Variants in SOX5 observed in about 807,000 individuals in gnomAD.
The protein encoded by SOX5 is SRY-box transcription factor 5.
Under a neutral mutation model 92.0 loss-of-function variants are expected in SOX5, and 9 were observed. The ratio of observed to expected loss-of-function variants is 0.10; its 90% CI spans 0.06 to 0.17. The LOEUF is 0.17. Among genes scored for constraint, SOX5 ranks in the 10% least tolerant of loss-of-function variants. The pLI, the probability that SOX5 is intolerant of heterozygous loss-of-function variation, is 1.00. For synonymous variants in SOX5, 344 were observed against 336.3 expected (o/e 1.02, Z -0.25); for missense variants, 642 against 944.5 (o/e 0.68, Z 4.20).
At chr12:23,951,832 A>G (rs1227510334), upstream of SOX5, among the ~76,000 whole-genome samples, 2 of 152,178 alleles carry the variant, frequency 1.3e-5, no homozygotes, top group African/African-American at 2.4e-5. Context: ...GAAGGGGGGA[A>G]GAATATTACT....
At chr12:23,920,016 C>T (rs1937656393) in intron 1 of SOX5, 1 of 152,066 alleles carries the variant, frequency 6.6e-6, no homozygotes, top group African/African-American at 2.4e-5. Flanking sequence ...TTAGTAGACT[C>T]TGTTATATAT....
At chr12:23,653,065 T>TGGATGGAG (rs2081875757) in intron 7 of SOX5, among the ~76,000 whole-genome samples, 3 of 151,744 alleles carry the variant, frequency 2.0e-5, no homozygotes, top group Non-Finnish European at 4.4e-5. Context: ...GATGGATGGA[T>TGGATGGAG]GGATGGATGG....
chr12:24,179,551 AT>A (rs1955232576), intron 4 of SOX5, among the ~76,000 whole-genome samples: 1 of 152,108 alleles, frequency 6.6e-6, no homozygotes, highest in Non-Finnish European at 1.5e-5. Flanking sequence ...CTTTTCGGAT[AT>A]TGTATTTTGT....
At chr12:24,259,574 G>A (rs1239932941) in intron 3 of SOX5, among the ~76,000 whole-genome samples, 1 of 152,110 alleles carries the variant, frequency 6.6e-6, no homozygotes, top group Non-Finnish European at 1.5e-5. Context: ...ATGCTAAATG[G>A]AATATGATCA....
chr12:24,325,196 T>C (rs1950563410), intron 2 of SOX5, among the ~76,000 whole-genome samples: 1 of 151,754 alleles, frequency 6.6e-6, no homozygotes, highest in Non-Finnish European at 1.5e-5. Context: ...TAACTGAACA[T>C]AATAGAAAGT....
At chr12:24,370,740 C>T (rs548384605) in intron 1 of SOX5, among the ~76,000 whole-genome samples, 3 of 152,118 alleles carry the variant, frequency 2.0e-5, no homozygotes, top group East Asian at 3.9e-4. Context: ...TTCAGTGAGC[C>T]GAGATCGTGC....
At chr12:24,313,748 T>C (rs1370636802) in intron 2 of SOX5, among the ~76,000 whole-genome samples, 11 of 152,246 alleles carry the variant, frequency 7.2e-5, no homozygotes, top group Admixed American at 7.2e-4. Context: ...TTTCCATTTT[T>C]GTCCACACTC....
intron 4 of SOX5, among the ~76,000 whole-genome samples, chr12:24,190,962 G>A (rs533974642): frequency 8.5e-5 from 13 of 152,150 alleles, no homozygotes; most frequent in African/African-American, 3.1e-4. Flanking sequence ...AAAAAAAAGA[G>A]AATGAGGATT....
intron 1 of SOX5, among the ~76,000 whole-genome samples, chr12:24,522,119 A>T (rs1419481621): frequency 6.6e-6 from 1 of 152,048 alleles, no homozygotes; most frequent in Non-Finnish European, 1.5e-5. Context: ...AAAATAAAAA[A>T]GATCATAAGA....
intron 4 of SOX5, among the ~76,000 whole-genome samples, chr12:24,116,770 G>A (rs1326773072): frequency 6.6e-6 from 1 of 152,104 alleles, no homozygotes. Context: ...GATGTAGTAA[G>A]GTACTGCTGC....
intron 3 of SOX5, among the ~76,000 whole-genome samples, chr12:24,236,077 A>G (rs1005139132): frequency 1.4e-4 from 21 of 152,146 alleles, no homozygotes; most frequent in Non-Finnish European, 1.9e-4. Context: ...CTGTAGTCCC[A>G]GCTACTTGGG....
At chr12:24,058,524 TA>T (rs1175828281) in intron 4 of SOX5, among the ~76,000 whole-genome samples, 5 of 152,172 alleles carry the variant, frequency 3.3e-5, no homozygotes, top group Non-Finnish European at 7.4e-5. Flanking sequence ...CAGGACACAG[TA>T]AATTTTCTTT....
At chr12:24,190,617 C>G (rs1321580664) in intron 4 of SOX5, among the ~76,000 whole-genome samples, 5 of 152,062 alleles carry the variant, frequency 3.3e-5, no homozygotes, top group Non-Finnish European at 1.5e-5. Flanking sequence ...CTCTGGTCTC[C>G]GTGATTCGGA....
At chr12:23,604,283 C>A (rs2074956790) in intron 9 of SOX5, 104 bp downstream of exon 9, 1 of 1,250,690 alleles carries the variant, frequency 8.0e-7, no homozygotes, top group Admixed American at 1.8e-5. Flanking sequence ...TCCTTGTACA[C>A]CCAGAGTTTA....
chr12:23,998,532 T>A (rs1390286659), intron 4 of SOX5, among the ~76,000 whole-genome samples: 1 of 151,878 alleles, frequency 6.6e-6, no homozygotes, highest in African/African-American at 2.4e-5. Context: ...AGGCCAGGAA[T>A]GGTGGCTCAT....
intron 2 of SOX5, among the ~76,000 whole-genome samples, chr12:24,307,658 T>C (rs1948747565): frequency 1.4e-5 from 1 of 73,080 alleles, no homozygotes. Flanking sequence ...TTAATAAACG[T>C]TCACTGCTTC....
rs550712297 is a variant in SOX5 at position 23,811,776 on chromosome 12, G to A, written c.481+34207C>T. 2.0e-5 allele frequency among the ~76,000 whole-genome samples: 3 copies of A among 152,120 alleles called. No homozygotes were observed. In the South Asian group the frequency reaches 6.2e-4, roughly 32 times the overall value. ...ACTTTATGGGAAAGCCAAGTTCTAG[G>A]CACACAGTACTTCCAGTTTTCCTAT... On this transcript the variant is annotated intron_variant, in intron 3 of 14. Transcript: ENST00000451604.
chr12:24,317,727 T>G (rs1042843810), intron 2 of SOX5, among the ~76,000 whole-genome samples: 2 of 152,184 alleles, frequency 1.3e-5, no homozygotes, highest in Non-Finnish European at 2.9e-5. Context: ...CCGTTACACC[T>G]TCGTTTCCCT....
intron 6 of SOX5, among the ~76,000 whole-genome samples, chr12:23,718,035 A>G (rs1473015687): frequency 6.6e-6 from 1 of 152,118 alleles, no homozygotes; most frequent in Non-Finnish European, 1.5e-5. Context: ...GCATCCTTAA[A>G]ATATTTTAAA....
Sources: allele counts gnomAD v4.1 joint callset (sites outside exome capture counted in the v4.1 genomes callset), GRCh38; gene constraint gnomAD v4.1.1; transcripts MANE v1.5; gene names NCBI Gene and HGNC (gene_info 2026-07-23, HGNC 2026-07-21).